The following PARD3 variants were observed in gnomAD, a reference collection of about 807,000 sequenced individuals.
The protein encoded by PARD3 is partitioning defective 3 homolog.
Under a neutral mutation model 155.4 loss-of-function variants are expected in PARD3, and 75 were observed. That is an observed-to-expected ratio of 0.48 (90% CI 0.40 to 0.58). PARD3 has a LOEUF of 0.58. Ranked by LOEUF, PARD3 falls within the 20% of genes least tolerant of loss-of-function variation. The pLI is 0.00. For synonymous variants in PARD3, 576 were observed against 610.5 expected (o/e 0.94, Z 0.83); for missense variants, 1,642 against 1,721.7 (o/e 0.95, Z 0.82).
chr10:34,649,162 T>C (rs550039362), intron 2 of PARD3, among the ~76,000 whole-genome samples: 3 of 152,270 alleles, frequency 2.0e-5, no homozygotes, highest in East Asian at 3.9e-4. Flanking sequence ...GAGAGACGCA[T>C]GGCTTGGGCA....
chr10:34,531,677 A>G (rs975300577), intron 2 of PARD3, among the ~76,000 whole-genome samples: 6 of 152,122 alleles, frequency 3.9e-5, no homozygotes, highest in Non-Finnish European at 7.4e-5. Context: ...TTATCTTGAC[A>G]TGGTGGGCAA....
At chr10:34,725,293 C>CA (rs1406412273) in intron 1 of PARD3, among the ~76,000 whole-genome samples, 1 of 152,102 alleles carries the variant, frequency 6.6e-6, no homozygotes, top group African/African-American at 2.4e-5. Flanking sequence ...GCTGGGGTTA[C>CA]AGATGCCTGC....
chr10:34,680,595 A>T (rs781365120), intron 2 of PARD3, among the ~76,000 whole-genome samples: 1 of 149,720 alleles, frequency 6.7e-6, no homozygotes, highest in Non-Finnish European at 1.5e-5. Context: ...GGGGAATGAG[A>T]AGCGGGAGGG....
At chr10:34,350,559 G>C (rs1156395754) in intron 14 of PARD3, among the ~76,000 whole-genome samples, 15 of 150,578 alleles carry the variant, frequency 1.0e-4, no homozygotes, top group Non-Finnish European at 1.3e-4. Context: ...CTTGAACCCA[G>C]GAGGCAGAGG....
intron 10 of PARD3, among the ~76,000 whole-genome samples, chr10:34,376,964 C>A (rs943484772): frequency 9.2e-5 from 14 of 151,940 alleles, no homozygotes; most frequent in Admixed American, 3.3e-4. Flanking sequence ...ATGTGCAAAC[C>A]ATCACACAAA....
At chr10:34,796,101 T>G (rs1842221033) in intron 1 of PARD3, among the ~76,000 whole-genome samples, 1 of 152,106 alleles carries the variant, frequency 6.6e-6, no homozygotes, top group South Asian at 2.1e-4. Flanking sequence ...CTAATCTAAG[T>G]TCCATGGAAA....
chr10:34,145,967 G>A (rs1422648217), intron 22 of PARD3, among the ~76,000 whole-genome samples: 1 of 152,132 alleles, frequency 6.6e-6, no homozygotes, highest in Non-Finnish European at 1.5e-5. Context: ...AGTGTATGTG[G>A]ACTCCTTTTC....
At chr10:34,523,864 T>C (rs1160586580) in intron 2 of PARD3, among the ~76,000 whole-genome samples, 3 of 152,176 alleles carry the variant, frequency 2.0e-5, no homozygotes, top group South Asian at 2.1e-4. Context: ...TTCGTCTCCA[T>C]AGTTTATAAA....
chr10:34,389,236 T>TC (rs1842648017), intron 7 of PARD3, among the ~76,000 whole-genome samples: 2 of 104,660 alleles, frequency 1.9e-5, no homozygotes, highest in South Asian at 5.7e-4. Flanking sequence ...GAACAATGTT[T>TC]CTTAAAAAAA....
At chr10:34,528,715 T>C (rs747303818) in intron 2 of PARD3, among the ~76,000 whole-genome samples, 7 of 152,182 alleles carry the variant, frequency 4.6e-5, no homozygotes, top group Admixed American at 1.3e-4. Flanking sequence ...CATATAGACT[T>C]TATCCTGAAA....
chr10:34,561,445 G>T (rs768195180), intron 2 of PARD3, among the ~76,000 whole-genome samples: 1 of 152,116 alleles, frequency 6.6e-6, no homozygotes, highest in Non-Finnish European at 1.5e-5. Flanking sequence ...GGGTACAGCA[G>T]GAAAGCCATG....
intron 7 of PARD3, among the ~76,000 whole-genome samples, chr10:34,398,873 GTTT>G (rs1289965792): frequency 1.3e-5 from 2 of 151,976 alleles, no homozygotes; most frequent in East Asian, 3.9e-4. Context: ...CATATTAAAG[GTTT>G]TTAACAATAA....
chr10:34,363,004 T>G (rs116367549), intron 12 of PARD3, among the ~76,000 whole-genome samples: 3,072 of 152,294 alleles, frequency 0.02, 93 homozygotes, highest in African/African-American at 0.071. Context: ...AAAGCTACAT[T>G]TGAAAAAATG....
At chr10:34,635,603 G>T (rs1445707567) in intron 2 of PARD3, among the ~76,000 whole-genome samples, 1 of 152,174 alleles carries the variant, frequency 6.6e-6, no homozygotes, top group African/African-American at 2.4e-5. Flanking sequence ...CACCAACCAA[G>T]TCTGCTAAAT....
At chr10:34,416,567 T>C (rs1845698383) in intron 5 of PARD3, among the ~76,000 whole-genome samples, 1 of 152,170 alleles carries the variant, frequency 6.6e-6, no homozygotes, top group Non-Finnish European at 1.5e-5. Flanking sequence ...TCTTTGCACC[T>C]ACAGCATCTA....
intron 11 of PARD3, 147 bp downstream of exon 11, chr10:34,374,727 A>C: frequency 1.3e-6 from 1 of 759,476 alleles, no homozygotes; most frequent in Non-Finnish European, 2.2e-6. Flanking sequence ...AGAGAAAAGA[A>C]TGTTTGTATT....
intron 22 of PARD3, among the ~76,000 whole-genome samples, chr10:34,255,822 T>C (rs1954623964): frequency 1.3e-5 from 2 of 152,262 alleles, no homozygotes; most frequent in African/African-American, 4.8e-5. Flanking sequence ...TACACGCCAC[T>C]ATTTGTAGCT....
At chr10:34,177,968 G>T (rs1408101161) in intron 22 of PARD3, among the ~76,000 whole-genome samples, 1 of 152,076 alleles carries the variant, frequency 6.6e-6, no homozygotes, top group African/African-American at 2.4e-5. Context: ...ACTATCACTG[G>T]TCCAGAGACA....
At chr10:34,778,458 T>C (rs1839863530) in intron 1 of PARD3, among the ~76,000 whole-genome samples, 1 of 152,218 alleles carries the variant, frequency 6.6e-6, no homozygotes, top group African/African-American at 2.4e-5. Context: ...ACTTCGTTTG[T>C]GTTGCTAAAT....
Sources: gnomAD v4.1 joint callset for allele counts (sites outside exome capture counted in the v4.1 genomes callset) on GRCh38, gnomAD v4.1.1 for gene constraint, MANE v1.5 for transcripts, NCBI Gene and HGNC (gene_info 2026-07-23, HGNC 2026-07-21) for gene names.